DGKI: variants seen among roughly 807,000 people sequenced by gnomAD.
The protein encoded by DGKI is DAG kinase iota.
DGKI carries 55 observed loss-of-function variants against 147.5 expected under a neutral mutation model. The ratio of observed to expected loss-of-function variants is 0.37; its 90% confidence interval spans 0.30 to 0.47. The LOEUF (loss-of-function observed/expected upper bound fraction) is 0.47. Ranked by LOEUF, DGKI falls within the 20% of genes least tolerant of loss-of-function variation. The pLI is 1.00. For synonymous variants in DGKI, 469 were observed against 477.1 expected (o/e 0.98, Z 0.22); for missense variants, 1,007 against 1,323.8 (o/e 0.76, Z 3.71).
At chr7:137,791,728 A>G (rs1796860795) in intron 1 of DGKI, among the ~76,000 whole-genome samples, 2 of 152,226 alleles carry the variant, frequency 1.3e-5, no homozygotes, top group South Asian at 2.1e-4. Context: ...TCATTGTCAC[A>G]TGGTGACAGT....
intron 1 of DGKI, among the ~76,000 whole-genome samples, chr7:137,795,281 A>T (rs1247186288): frequency 6.6e-6 from 1 of 152,206 alleles, no homozygotes; most frequent in Admixed American, 6.5e-5. Flanking sequence ...AGCTTTAGAA[A>T]GATGGTAGCT....
At chr7:137,469,381 T>C (rs967350626) in intron 24 of DGKI, among the ~76,000 whole-genome samples, 169 bp downstream of exon 24, 6 of 152,164 alleles carry the variant, frequency 3.9e-5, no homozygotes, top group African/African-American at 1.4e-4. Flanking sequence ...GAAAGGACAG[T>C]GCAATATCAG....
chr7:137,831,827 C>T (rs1798229275), intron 1 of DGKI, among the ~76,000 whole-genome samples: 1 of 152,232 alleles, frequency 6.6e-6, no homozygotes, highest in African/African-American at 2.4e-5. Context: ...TGCCTATGAG[C>T]CTGTAAAATC....
intron 5 of DGKI, among the ~76,000 whole-genome samples, chr7:137,648,836 A>C (rs1248520967): frequency 6.6e-6 from 1 of 152,220 alleles, no homozygotes; most frequent in Non-Finnish European, 1.5e-5. Flanking sequence ...TTAGTCAGGG[A>C]ATAAAAAAGA....
In DGKI at chr7:137,637,052, C is replaced by T. The variant is rs112490262; in HGVS notation, c.804+8420G>A. On this transcript the variant is annotated intron_variant, in intron 6 of 32. Coordinates refer to ENST00000614521, the MANE Select transcript of DGKI (RefSeq NM_001321708.2). ...ATAGCAATGCAATGAACGAAGACAT[C>T]GGCCAAGGACAGCCCTCGCCCAGTT... Among the ~76,000 whole-genome samples, 1,050 of 152,300 alleles carry T rather than the reference C, an allele frequency of 6.9e-3. 12 individuals carry two copies. Among genetic ancestry groups the T allele is most frequent in the African/African-American group, 0.024 (1,008 of 41,566 alleles).
chr7:137,494,120 C>CA (rs548082859), intron 21 of DGKI, among the ~76,000 whole-genome samples: 33 of 146,318 alleles, frequency 2.3e-4, no homozygotes, highest in African/African-American at 4.5e-4. Context: ...AAATATGAAG[C>CA]AAAAAAAAAT....
chr7:137,784,895 T>C (rs377011339), intron 1 of DGKI, among the ~76,000 whole-genome samples: 2 of 151,850 alleles, frequency 1.3e-5, no homozygotes, highest in East Asian at 1.9e-4. Context: ...CAAATCACGA[T>C]GGAAATTAAA....
chr7:137,696,297 A>G (rs1239362080), intron 1 of DGKI, among the ~76,000 whole-genome samples: 1 of 152,126 alleles, frequency 6.6e-6, no homozygotes, highest in Non-Finnish European at 1.5e-5. Context: ...CCATCTTCCT[A>G]ATACAAAATC....
intron 12 of DGKI, among the ~76,000 whole-genome samples, chr7:137,590,945 C>T (rs533116377): frequency 1.3e-5 from 2 of 152,292 alleles, no homozygotes; most frequent in African/African-American, 2.4e-5. Context: ...GTGATCCGCC[C>T]GCCAAAGTGC....
intron 7 of DGKI, among the ~76,000 whole-genome samples, chr7:137,622,594 T>C (rs1820788431): frequency 6.6e-6 from 1 of 152,082 alleles, no homozygotes; most frequent in African/African-American, 2.4e-5. Flanking sequence ...CTATAGACAA[T>C]ACATAAATGA....
At chr7:137,832,094 C>A (rs574364882) in intron 1 of DGKI, among the ~76,000 whole-genome samples, 34 of 152,208 alleles carry the variant, frequency 2.2e-4, no homozygotes, top group Non-Finnish European at 4.6e-4. Context: ...CAGGGTATAG[C>A]CCCTCTCCTG....
intron 1 of DGKI, among the ~76,000 whole-genome samples, chr7:137,731,433 C>A (rs955718444): frequency 6.6e-6 from 1 of 152,092 alleles, no homozygotes; most frequent in African/African-American, 2.4e-5. Context: ...ATTTGTTGAA[C>A]TAACAGTGCT....
chr7:137,628,507 A>G (rs1314154758), intron 6 of DGKI, among the ~76,000 whole-genome samples: 1 of 152,218 alleles, frequency 6.6e-6, no homozygotes, highest in African/African-American at 2.4e-5. Context: ...GGCTCTCAGC[A>G]TGCCAAAATG....
intron 30 of DGKI, among the ~76,000 whole-genome samples, chr7:137,406,795 A>T (rs1811964664): frequency 6.6e-6 from 1 of 152,110 alleles, no homozygotes; most frequent in Non-Finnish European, 1.5e-5. Context: ...TTTAGCCTGC[A>T]ATTGCTTGAA....
At chr7:137,645,651 C>T (rs568833206) in intron 5 of DGKI, 114 bp from the exon 6 acceptor site, 261 of 922,018 alleles carry the variant, frequency 2.8e-4, no homozygotes, top group Non-Finnish European at 3.8e-4. Flanking sequence ...ACTGCAGCCT[C>T]GAACTCCTCT....
chr7:137,710,664 G>A lies in DGKI; in HGVS notation c.402-20662C>T, dbSNP rs143353488. 5.4e-3 allele frequency among the ~76,000 whole-genome samples: 819 copies of A among 152,188 alleles called. 7 individuals are homozygous for A. The highest frequency in any genetic ancestry group is 0.019 in the African/African-American group (787 of 41,562). ...ATGGAAATGTGAAATACAAAACTAT[G>A]TAAGTTTTAGAAGATAATACAGGAA... On this transcript the variant is annotated intron_variant, in intron 1 of 32. Transcript: ENST00000614521.
At chr7:137,728,944 T>G (rs1004248837) in intron 1 of DGKI, among the ~76,000 whole-genome samples, 1 of 152,100 alleles carries the variant, frequency 6.6e-6, no homozygotes, top group Non-Finnish European at 1.5e-5. Context: ...TATTTTGGAG[T>G]TCTTGGGTGA....
chr7:137,442,253 T>TGAAGTG (rs1327540833), intron 28 of DGKI, among the ~76,000 whole-genome samples: 1 of 152,226 alleles, frequency 6.6e-6, no homozygotes, highest in Non-Finnish European at 1.5e-5. Context: ...TAATCAATTC[T>TGAAGTG]GAAGTGCTCT....
chr7:137,732,352 G>A (rs932683797), intron 1 of DGKI, among the ~76,000 whole-genome samples: 1 of 152,020 alleles, frequency 6.6e-6, no homozygotes, highest in Non-Finnish European at 1.5e-5. Flanking sequence ...TGCAATGCCT[G>A]AGTACTTTGC....
Sources: allele counts gnomAD v4.1 joint callset (sites outside exome capture counted in the v4.1 genomes callset), GRCh38; gene constraint gnomAD v4.1.1; transcripts MANE v1.5; gene names NCBI Gene and HGNC (gene_info 2026-07-23, HGNC 2026-07-21).